Variants in DIAPH2 observed in about 807,000 individuals in gnomAD.
The protein encoded by DIAPH2 is diaphanous related formin 2.
Under a neutral mutation model 92.7 loss-of-function variants are expected in DIAPH2, and 35 were observed. That is an observed-to-expected ratio of 0.38 (90% CI 0.29 to 0.50). The LOEUF (loss-of-function observed/expected upper bound fraction) is 0.50, where lower values mean the gene tolerates loss of function less well. DIAPH2 is among the 20% of genes least tolerant of loss of function. The pLI is 0.94. For synonymous variants in DIAPH2, 301 were observed against 280.4 expected (o/e 1.07, Z -0.73); for missense variants, 701 against 819.5 (o/e 0.86, Z 1.77).
At position 96,949,011 on chromosome X, in the gene DIAPH2, A is replaced by C. The variant is rs199871197; in HGVS notation, c.1586A>C (p.Glu529Ala). 1,363 of 1,201,526 alleles carry C rather than the reference A, an allele frequency of 1.1e-3. 2 individuals carry two copies. The highest frequency in any genetic ancestry group is 1.1e-3 in the Non-Finnish European group (978 of 890,321). Residue 529 changes from glutamate to alanine, a missense_variant, in exon 15 of 27, where the codon GAA becomes GCA. Transcript: ENST00000324765. ...AGAGATGAGAAAATCAAAGAACTTG[A>C]AGCAGAAATCCAGCAACTTCGAACC... ...QKRDEKIKEL[E>A]AEIQQLRTQA...
intron 26 of DIAPH2, among the ~76,000 whole-genome samples, chrX:97,563,775 C>T (rs1395686072): frequency 9.0e-6 from 1 of 110,504 alleles, no homozygotes; most frequent in Non-Finnish European, 1.9e-5. Context: ...GCAGGCTTTG[C>T]CTTCTCAGTT....
intron 11 of DIAPH2, among the ~76,000 whole-genome samples, chrX:96,939,008 G>C (rs1355614772): frequency 9.0e-6 from 1 of 111,544 alleles, no homozygotes; most frequent in African/African-American, 3.3e-5. Context: ...TTTAAAATAT[G>C]TATAACGGAT....
At chrX:97,439,549 G>A (rs1384532519) in intron 26 of DIAPH2, among the ~76,000 whole-genome samples, 3 of 107,486 alleles carry the variant, frequency 2.8e-5, no homozygotes, top group Non-Finnish European at 3.9e-5. Context: ...CAGCCTGAGC[G>A]ACAGGGCGAG....
chrX:97,005,908 C>CTTTT (rs58056111), intron 17 of DIAPH2, among the ~76,000 whole-genome samples: 4 of 68,150 alleles, frequency 5.9e-5, no homozygotes, highest in African/African-American at 1.2e-4. Context: ...TGAAGTTTTT[C>CTTTT]TTTTTTTTTT....
intron 26 of DIAPH2, among the ~76,000 whole-genome samples, chrX:97,451,002 G>T (rs187314879): frequency 5.1e-4 from 56 of 109,183 alleles, no homozygotes; most frequent in Non-Finnish European, 7.2e-4. Context: ...AAGTTTTGAC[G>T]TTGAAACTTC....
chrX:97,556,398 C>T (rs192868052), intron 26 of DIAPH2, among the ~76,000 whole-genome samples: 3 of 112,307 alleles, frequency 2.7e-5, no homozygotes, highest in Admixed American at 9.4e-5. Flanking sequence ...TTACCACGAA[C>T]TGTGTGACTT....
At chrX:97,307,772 G>T (rs1463011758) in intron 23 of DIAPH2, among the ~76,000 whole-genome samples, 2 of 108,943 alleles carry the variant, frequency 1.8e-5, no homozygotes, top group Admixed American at 1.0e-4. Flanking sequence ...GCCGGGCGTG[G>T]TGGCGCATGC....
chrX:97,220,031 G>T (rs2067912153), intron 22 of DIAPH2, among the ~76,000 whole-genome samples: 1 of 111,768 alleles, frequency 8.9e-6, no homozygotes, highest in Admixed American at 9.5e-5. Flanking sequence ...GGAATGGGGG[G>T]ATAGTTTATA....
chrX:96,962,472 T>C (rs74672517), intron 16 of DIAPH2, among the ~76,000 whole-genome samples: 1 of 26,382 alleles, frequency 3.8e-5, no homozygotes, highest in African/African-American at 1.1e-4. Flanking sequence ...TATATACATA[T>C]ATATATACAC....
intron 17 of DIAPH2, among the ~76,000 whole-genome samples, chrX:97,044,841 A>G (rs2066470362): frequency 9.0e-6 from 1 of 111,097 alleles, no homozygotes; most frequent in Admixed American, 9.5e-5. Flanking sequence ...ACTGTCTTAC[A>G]TTGTCATCTC....
intron 5 of DIAPH2, among the ~76,000 whole-genome samples, chrX:96,906,142 G>A (rs910771860): frequency 8.9e-6 from 1 of 112,075 alleles, no homozygotes; most frequent in Non-Finnish European, 1.9e-5. Flanking sequence ...ACAAAAAAAA[G>A]AGGTAATATG....
intron 4 of DIAPH2, among the ~76,000 whole-genome samples, chrX:96,763,701 C>T (rs185077402): frequency 1.4e-3 from 152 of 111,323 alleles, no homozygotes; most frequent in African/African-American, 4.6e-3. Context: ...CTTTCCATGG[C>T]TGTCATTTAA....
At chrX:97,322,024 A>C (rs951876723) in intron 23 of DIAPH2, among the ~76,000 whole-genome samples, 1 of 112,770 alleles carries the variant, frequency 8.9e-6, no homozygotes, top group Non-Finnish European at 1.9e-5. Context: ...TATTTTTATT[A>C]AAGTATTTGG....
At chrX:97,416,646 A>G (rs1216618959) in intron 25 of DIAPH2, among the ~76,000 whole-genome samples, 2 of 111,511 alleles carry the variant, frequency 1.8e-5, no homozygotes, top group Non-Finnish European at 1.9e-5. Flanking sequence ...AGTCACTAGG[A>G]CTATTGTGCC....
intron 8 of DIAPH2, among the ~76,000 whole-genome samples, chrX:96,917,775 CT>C (rs1201784904): frequency 6.4e-5 from 7 of 110,101 alleles, no homozygotes; most frequent in Non-Finnish European, 1.1e-4. Flanking sequence ...TTTTTAGAGT[CT>C]TTTTTCTTTT....
In DIAPH2 at chrX:96,837,433, C is replaced by CTCTCTGTGTGTG. The variant is rs1189132418; in HGVS notation, c.448-44145_448-44144insCTCTGTGTGTGT. ...TCTCTCTCTCTCTCTCTCTCTCTCTCTGTGTGTGTGTGTGTGTGTGTGTGT... is the reference window on the plus strand; with the variant it reads ...TCTCTCTCTCTCTCTCTCTCTCTCTCTCTCTGTGTGTGTGTGTGTGTGTGTGTGTGTGTGTGT... On this transcript the variant is annotated intron_variant, in intron 4 of 26. Coordinates refer to ENST00000324765, the MANE Select transcript of DIAPH2 (RefSeq NM_006729.5). Among the ~76,000 whole-genome samples the CTCTCTGTGTGTG allele has an allele frequency of 6.0e-3, 247 of 41,318 alleles. 1 individual carries two copies. Among genetic ancestry groups the CTCTCTGTGTGTG allele is most frequent in the Middle Eastern group, 0.012 (1 of 86 alleles). 35.9% of individuals were successfully genotyped at this position (41,318 alleles called of 115,157 possible).
chrX:97,100,423 G>C (rs979921630), intron 20 of DIAPH2, among the ~76,000 whole-genome samples: 5 of 111,337 alleles, frequency 4.5e-5, no homozygotes, highest in African/African-American at 1.6e-4. Context: ...GGATGAATAA[G>C]TATAAATTTT....
At chrX:97,509,012 G>T (rs868477679) in intron 26 of DIAPH2, among the ~76,000 whole-genome samples, 3 of 90,432 alleles carry the variant, frequency 3.3e-5, no homozygotes, top group Non-Finnish European at 6.5e-5. Flanking sequence ...AGCATACAAA[G>T]TTATTTATTT....
At position 97,578,318 on chromosome X, in the gene DIAPH2, C is replaced by A. The variant is rs867737702; in HGVS notation, c.3242-20935C>A. ...TATATCTCCCAATGCTATCCCTCCC[C>A]GCTCCCCCCACCCCACAACAGTCCC... is the stretch of plus-strand genomic sequence containing the variant. On this transcript the variant is annotated intron_variant, in intron 26 of 26. Coordinates refer to ENST00000324765, the MANE Select transcript of DIAPH2 (RefSeq NM_006729.5). Among the ~76,000 whole-genome samples the A allele has an allele frequency of 2.3e-4, 25 of 107,539 alleles. 1 individual carries two copies. The South Asian group carries it at 0.01, about 44-fold the overall frequency. The allele number at this position is 107,539 out of a possible 115,157, so 93.4% of individuals were successfully genotyped here.
Sources: allele counts gnomAD v4.1 joint callset (sites outside exome capture counted in the v4.1 genomes callset), GRCh38; gene constraint gnomAD v4.1.1; transcripts MANE v1.5; gene names NCBI Gene and HGNC (gene_info 2026-07-23, HGNC 2026-07-21).